The following CDCA2 variants were observed in gnomAD, a reference collection of about 807,000 sequenced individuals.
The protein encoded by CDCA2 is cell division cycle-associated protein 2.
Under a neutral mutation model 67.0 loss-of-function variants are expected in CDCA2, and 44 were observed. The ratio of observed to expected loss-of-function variants is 0.66; its 90% CI spans 0.52 to 0.84. The LOEUF (loss-of-function observed/expected upper bound fraction) is 0.84. Ranked by LOEUF, CDCA2 falls within the 40% of genes least tolerant of loss-of-function variation. The probability of loss-of-function intolerance (pLI) is 0.00; values close to 1 mark genes in which losing one functional copy is unlikely to be tolerated. For missense variants in CDCA2, 1,253 were observed against 1,203.2 expected, an observed-to-expected ratio of 1.04 and a Z score of -0.61; for synonymous variants, 447 against 418.7, an observed-to-expected ratio of 1.07 and a Z score of -0.82.
intron 8 of CDCA2, among the ~76,000 whole-genome samples, chr8:25,483,165 A>G (rs911644329): frequency 7.2e-5 from 11 of 152,184 alleles, no homozygotes; most frequent in African/African-American, 2.7e-4. Flanking sequence ...ATTGATTTCT[A>G]TGCTTTAATT....
chr8:25,467,316 A>C (rs1331306633), intron 5 of CDCA2, among the ~76,000 whole-genome samples: 1 of 151,938 alleles, frequency 6.6e-6, no homozygotes, highest in East Asian at 1.9e-4. Flanking sequence ...GCATTTCAGC[A>C]CCTCCCATGA....
chr8:25,498,470 C>A (rs1804336800), intron 13 of CDCA2, among the ~76,000 whole-genome samples: 1 of 137,658 alleles, frequency 7.3e-6, no homozygotes. Flanking sequence ...CCCCGCCCCC[C>A]AGGCCTCCCA....
chr8:25,498,804 G>A (rs1244922943), intron 13 of CDCA2, among the ~76,000 whole-genome samples: 1 of 152,118 alleles, frequency 6.6e-6, no homozygotes, highest in Non-Finnish European at 1.5e-5. Context: ...TACCCAAATG[G>A]AGTCATGTAC....
At chr8:25,505,400 C>T (rs1804638364) in intron 14 of CDCA2, among the ~76,000 whole-genome samples, 1 of 152,064 alleles carries the variant, frequency 6.6e-6, no homozygotes, top group Non-Finnish European at 1.5e-5. Context: ...GGGGTTTCAC[C>T]ATGTTGGCCA....
intron 7 of CDCA2, among the ~76,000 whole-genome samples, chr8:25,475,686 C>G (rs896545255): frequency 6.6e-6 from 1 of 152,156 alleles, no homozygotes; most frequent in Non-Finnish European, 1.5e-5. Flanking sequence ...TGTGGGGAAG[C>G]TGGACAGGGA....
At chr8:25,504,553 A>T (rs17053794) in intron 14 of CDCA2, among the ~76,000 whole-genome samples, 4,278 of 152,258 alleles carry the variant, frequency 0.028, 223 homozygotes, top group African/African-American at 0.097. Context: ...ACCATACAAG[A>T]TTAATAATAG....
chr8:25,493,307 C>T (rs1030973944), intron 13 of CDCA2, among the ~76,000 whole-genome samples: 5 of 152,138 alleles, frequency 3.3e-5, no homozygotes, highest in African/African-American at 7.2e-5. Context: ...TGCCACTTCT[C>T]AACCAGAAGT....
chr8:25,491,167 AAAAG>A (rs1335269569), intron 13 of CDCA2, among the ~76,000 whole-genome samples: 2 of 152,206 alleles, frequency 1.3e-5, no homozygotes, highest in Non-Finnish European at 2.9e-5. Context: ...AAGATAGAGC[AAAAG>A]AAAGACTGGA....
chr8:25,484,714 G>A lies in CDCA2; in HGVS notation c.1365+504G>A, dbSNP rs535705578. On this transcript the variant is annotated intron_variant, in intron 10 of 14. Coordinates refer to ENST00000330560, the MANE Select transcript of CDCA2 (RefSeq NM_152562.4). ...TCAAGCTATCCTCCCATATCCTCCC[G>A]TCTTAGCCTCCCGAGTAGCTGGGAC... Among the ~76,000 whole-genome samples the A allele has an allele frequency of 4.0e-4, 60 of 151,120 alleles. 1 individual carries two copies. The highest frequency in any genetic ancestry group is 1.3e-3 in the African/African-American group (52 of 41,146).
intron 13 of CDCA2, among the ~76,000 whole-genome samples, chr8:25,492,062 C>G (rs899330633): frequency 2.0e-5 from 3 of 151,964 alleles, no homozygotes; most frequent in African/African-American, 7.3e-5. Flanking sequence ...TCCCAAAGTG[C>G]TGGGATTACA....
intron 10 of CDCA2, among the ~76,000 whole-genome samples, chr8:25,484,525 A>G (rs1164324079): frequency 6.6e-6 from 1 of 152,044 alleles, no homozygotes; most frequent in Non-Finnish European, 1.5e-5. Context: ...TTATCCCTAT[A>G]TCAACTTAAG....
chr8:25,479,713 G>A, intron 7 of CDCA2, 200 bp from the exon 8 acceptor site: 1 of 584,938 alleles, frequency 1.7e-6, no homozygotes, highest in Non-Finnish European at 3.0e-6. Context: ...TCCGATTTGA[G>A]GTAAAAACTG....
At position 25,487,310 on chromosome 8, in the gene CDCA2, A is replaced by G. The variant is rs796564573; in HGVS notation, c.1509A>G (p.Ile503Met). ...EKISSPKVGR[I>M]TRTSNRRNQL... ...TATCCTCTCCTAAAGTTGGTAGAAT[A>G]ACAAGGACTTCTAACAGAAGAAATG... Residue 503 changes from isoleucine (I) to methionine (M), a missense_variant, in exon 12 of 15, where the codon ATA becomes ATG. Transcript: ENST00000330560. The G allele has an allele frequency of 1.9e-6, 3 of 1,605,786 alleles. No individual in the cohort carries two copies. In the Admixed American group the frequency reaches 5.0e-5, roughly 27 times the overall value.
At chr8:25,460,148 G>GT (rs1165196307) in intron 1 of CDCA2, 92 bp from the exon 2 acceptor site, 114 of 1,213,586 alleles carry the variant, frequency 9.4e-5, no homozygotes, top group Non-Finnish European at 1.3e-4. Flanking sequence ...AGTATGGACT[G>GT]TATTACAATT....
intron 4 of CDCA2, among the ~76,000 whole-genome samples, chr8:25,464,944 C>T (rs1332126293): frequency 6.6e-6 from 1 of 152,094 alleles, no homozygotes; most frequent in African/African-American, 2.4e-5. Flanking sequence ...AACATGGCTT[C>T]ACGATATGAA....
chr8:25,478,463 T>C (rs959305995), intron 7 of CDCA2, among the ~76,000 whole-genome samples: 4 of 152,158 alleles, frequency 2.6e-5, no homozygotes, highest in Non-Finnish European at 5.9e-5. Flanking sequence ...GAGCACTGGT[T>C]TTAAAATGTA....
chr8:25,503,097 C>T (rs958820026), intron 13 of CDCA2, among the ~76,000 whole-genome samples: 7 of 151,874 alleles, frequency 4.6e-5, no homozygotes, highest in Middle Eastern at 6.8e-3. Flanking sequence ...GCCTGGGCAA[C>T]GTGGTGAGAT....
At chr8:25,485,089 C>A (rs1241317587) in intron 10 of CDCA2, among the ~76,000 whole-genome samples, 1 of 135,580 alleles carries the variant, frequency 7.4e-6, no homozygotes, top group Non-Finnish European at 1.6e-5. Flanking sequence ...ATACGATCAT[C>A]TGAGTAGTTG....
In CDCA2 at chr8:25,468,283, G is replaced by T. The variant is rs751483583; in HGVS notation, c.605G>T (p.Arg202Leu). The change falls in exon 6 of 15, where the codon CGG becomes CTG. Residue 202 changes from arginine to leucine, a missense_variant. Coordinates refer to ENST00000330560, the MANE Select transcript of CDCA2 (RefSeq NM_152562.4). ...GFPAVLSSKR[R>L]RISYQRDSDE... ...CCTGCAGTGTTGTCCTCCAAACGTC[G>T]GAGAATATCCTATCAGAGAGACTCT... 14 of 1,613,714 alleles carry T rather than the reference G, an allele frequency of 8.7e-6. No individual in the cohort carries two copies. The highest frequency in any genetic ancestry group is 1.2e-5 in the Non-Finnish European group (14 of 1,179,868).
Sources: allele counts gnomAD v4.1 joint callset (sites outside exome capture counted in the v4.1 genomes callset), GRCh38; gene constraint gnomAD v4.1.1; transcripts MANE v1.5; gene names NCBI Gene and HGNC (gene_info 2026-07-23, HGNC 2026-07-21).